Variants in GAS7 observed in about 807,000 individuals in gnomAD.
The protein encoded by GAS7 is growth arrest-specific protein 7.
Under a neutral mutation model 71.1 loss-of-function variants are expected in GAS7, and 28 were observed. The observed-to-expected ratio is 0.39, with a 90% CI of 0.29 to 0.54. The LOEUF (loss-of-function observed/expected upper bound fraction) is 0.54, where lower values mean the gene tolerates loss of function less well. Ranked by LOEUF, GAS7 falls within the 20% of genes least tolerant of loss-of-function variation. The pLI, the probability that GAS7 is intolerant of heterozygous loss-of-function variation, is 0.62. For missense variants in GAS7, 436 were observed against 627.8 expected (o/e 0.69, Z 3.27); for synonymous variants, 258 against 245.8 (o/e 1.05, Z -0.46).
Position 9,913,306 on chromosome 17 carries a change from C to T in GAS7, c.*3922G>A. The T allele has an allele frequency of 4.3e-6, 1 of 232,440 alleles. No individual in the cohort carries two copies. The highest frequency in any genetic ancestry group is 8.5e-6 in the Non-Finnish European group (1 of 117,378). 14.4% of individuals were successfully genotyped at this position (232,440 alleles called of 1,614,324 possible). On this transcript the variant is annotated 3_prime_UTR_variant, in exon 14 of 14. Coordinates refer to ENST00000432992, the MANE Select transcript of GAS7 (RefSeq NM_201433.2). ...TGTACCCCACTTAACATTAGAAGTGCTCTCTCCGACCTACACAAGGAATGC... is the reference window on the plus strand; with the variant it reads ...TGTACCCCACTTAACATTAGAAGTGTTCTCTCCGACCTACACAAGGAATGC...
At chr17:9,927,181 G>T (rs1034471544) in intron 9 of GAS7, among the ~76,000 whole-genome samples, 2 of 61,962 alleles carry the variant, frequency 3.2e-5, no homozygotes, top group African/African-American at 1.0e-4. Context: ...GGGCACGGTG[G>T]CTCATGCCTG....
In GAS7 at chr17:10,141,443, C is replaced by CA. The variant is rs879309652; in HGVS notation, c.183+56764dup. On this transcript the variant is annotated intron_variant, in intron 1 of 13. Coordinates refer to ENST00000432992, the MANE Select transcript of GAS7 (RefSeq NM_201433.2). ...AGCCTGGGCAACAGCAAGACTGTGCCAAAAAAAAAAAGGCCACTGCTTGAA... is the reference window on the plus strand; with the variant it reads ...AGCCTGGGCAACAGCAAGACTGTGCCAAAAAAAAAAAAGGCCACTGCTTGAA... Among the ~76,000 whole-genome samples the CA allele has an allele frequency of 3.5e-4, 50 of 141,064 alleles. 1 individual carries two copies. The highest frequency in any genetic ancestry group is 2.3e-3 in the South Asian group (10 of 4,414). The allele number at this position is 141,064 out of a possible 152,430, so 92.5% of individuals were successfully genotyped here.
At chr17:10,032,111 G>GAAAAA (rs749716743) in intron 1 of GAS7, among the ~76,000 whole-genome samples, 4 of 74,756 alleles carry the variant, frequency 5.4e-5, no homozygotes, top group Admixed American at 1.4e-4. Flanking sequence ...GGGAACCTCA[G>GAAAAA]AAAAAAAAAA....
intron 1 of GAS7, among the ~76,000 whole-genome samples, chr17:10,060,229 C>A (rs182728141): frequency 9.6e-4 from 146 of 152,368 alleles, no homozygotes; most frequent in Middle Eastern, 3.4e-3. Flanking sequence ...GGCTGGCCTT[C>A]TGCCACTGCC....
At chr17:9,968,380 C>A (rs1358980215) in intron 4 of GAS7, among the ~76,000 whole-genome samples, 2 of 152,162 alleles carry the variant, frequency 1.3e-5, no homozygotes, top group East Asian at 1.9e-4. Flanking sequence ...AGAACCTCAG[C>A]CCCCACCCTA....
At chr17:10,045,383 T>C (rs995550678) in intron 1 of GAS7, among the ~76,000 whole-genome samples, 1 of 152,172 alleles carries the variant, frequency 6.6e-6, no homozygotes, top group Non-Finnish European at 1.5e-5. Flanking sequence ...AAAATTTCTA[T>C]GTGTCCCACC....
intron 1 of GAS7, among the ~76,000 whole-genome samples, chr17:10,140,602 ATG>A (rs10564105): frequency 0.21 from 31,689 of 152,086 alleles, 3,502 homozygotes; most frequent in African/African-American, 0.25. Flanking sequence ...CTACAACTGC[ATG>A]TGTGTTTATG....
chr17:9,922,931 CAG>C (rs549028451), intron 11 of GAS7, among the ~76,000 whole-genome samples: 63 of 152,248 alleles, frequency 4.1e-4, no homozygotes, highest in African/African-American at 1.3e-3. Context: ...TTTTTTGAGA[CAG>C]AGTCTCACTC....
rs369901374 is a variant in GAS7 at position 9,981,163 on chromosome 17, G to A, written c.385+641C>T. 3.3e-4 allele frequency among the ~76,000 whole-genome samples: 50 copies of A among 152,164 alleles called. No individual in the cohort carries two copies. The highest frequency in any genetic ancestry group is 6.3e-4 in the Non-Finnish European group (43 of 68,000). The stretch of plus-strand genomic sequence containing the variant: ...ACAAATTAGCCGGGTGTGGTGGTGC[G>A]CACCTGCAATCGCAGCTACTCGGGA... On this transcript the variant is annotated intron_variant, in intron 3 of 13. Coordinates refer to ENST00000432992, the MANE Select transcript of GAS7 (RefSeq NM_201433.2). The surrounding 1 kb of genome is among the most constrained non-coding windows in gnomAD (Gnocchi z 4.4).
chr17:9,953,062 C>G (rs2069084979), intron 5 of GAS7, among the ~76,000 whole-genome samples: 1 of 151,800 alleles, frequency 6.6e-6, no homozygotes, highest in Non-Finnish European at 1.5e-5. Context: ...CATTGCAGCA[C>G]TATTCACAAT....
intron 1 of GAS7, among the ~76,000 whole-genome samples, chr17:10,104,772 A>T (rs1201609754): frequency 6.6e-6 from 1 of 152,156 alleles, no homozygotes; most frequent in African/African-American, 2.4e-5. Context: ...TCTCTAAAAC[A>T]TCCTGATCCA....
At chr17:10,187,297 C>T (rs183683699) in intron 1 of GAS7, among the ~76,000 whole-genome samples, 60 of 152,292 alleles carry the variant, frequency 3.9e-4, no homozygotes, top group African/African-American at 1.3e-3. Context: ...AGACTTACAA[C>T]ATGAGCAAAA....
chr17:9,925,428 T>A (rs1156945901), intron 11 of GAS7, 48 bp downstream of exon 11: 8 of 1,581,670 alleles, frequency 5.1e-6, no homozygotes, highest in African/African-American at 1.4e-5. Context: ...CCCCGTGCCC[T>A]CTCCTTCTGT....
At chr17:9,975,422 G>A (rs772424965) in intron 3 of GAS7, among the ~76,000 whole-genome samples, 21 of 151,798 alleles carry the variant, frequency 1.4e-4, no homozygotes, top group South Asian at 4.2e-4. Context: ...TGAAATCCTC[G>A]CTTCCCTCTT....
chr17:10,040,210 C>A (rs903325411), intron 1 of GAS7, among the ~76,000 whole-genome samples: 1 of 152,168 alleles, frequency 6.6e-6, no homozygotes, highest in African/African-American at 2.4e-5. Context: ...CAGGATGGGT[C>A]AGAAGAACAA....
intron 2 of GAS7, among the ~76,000 whole-genome samples, chr17:10,001,522 G>A (rs1355594861): frequency 6.6e-6 from 1 of 152,186 alleles, no homozygotes; most frequent in Non-Finnish European, 1.5e-5. Flanking sequence ...GGAGGCAGGA[G>A]CTGAGCGCTC....
At chr17:10,171,427 A>G (rs909586698) in intron 1 of GAS7, among the ~76,000 whole-genome samples, 4 of 152,230 alleles carry the variant, frequency 2.6e-5, no homozygotes, top group Non-Finnish European at 2.9e-5. Context: ...GAACACATCA[A>G]TTTAGCAGGA....
At chr17:10,122,650 T>C (rs2073914178) in intron 1 of GAS7, among the ~76,000 whole-genome samples, 2 of 152,136 alleles carry the variant, frequency 1.3e-5, no homozygotes, top group Non-Finnish European at 2.9e-5. Flanking sequence ...CTCCTCCATA[T>C]GGCAAGTTAT....
chr17:10,198,162 G>C, intron 1 of GAS7, 46 bp downstream of exon 1: 1 of 1,566,106 alleles, frequency 6.4e-7, no homozygotes, highest in South Asian at 1.1e-5. Context: ...CGAGCGCACC[G>C]AGGACCGCAG....
Sources: allele counts gnomAD v4.1 joint callset (sites outside exome capture counted in the v4.1 genomes callset), GRCh38; gene constraint gnomAD v4.1.1; non-coding constraint Gnocchi (gnomAD v3.1); transcripts MANE v1.5; gene names NCBI Gene and HGNC (gene_info 2026-07-23, HGNC 2026-07-21).